CD44: variants seen among roughly 807,000 people sequenced by gnomAD.
CD44 encodes the protein CD44 antigen.
In CD44, 49 loss-of-function variants were observed where a neutral mutation model predicts 88.8. The observed-to-expected ratio is 0.55, with a 90% CI of 0.44 to 0.70. The LOEUF is 0.70. CD44 is among the 30% of genes least tolerant of loss of function. The probability of loss-of-function intolerance (pLI) is 0.00; values close to 1 mark genes in which losing one functional copy is unlikely to be tolerated. For synonymous variants in CD44, 325 were observed against 312.3 expected (o/e 1.04, Z -0.43); for missense variants, 883 against 913.8 (o/e 0.97, Z 0.43).
chr11:35,163,285 G>A (rs1942866103), intron 1 of CD44, among the ~76,000 whole-genome samples: 1 of 151,040 alleles, frequency 6.6e-6, no homozygotes, highest in Non-Finnish European at 1.5e-5. Context: ...GGAAACTCAT[G>A]GTTGTTCCTA....
At chr11:35,162,073 T>C (rs934783775) in intron 1 of CD44, among the ~76,000 whole-genome samples, 2 of 152,202 alleles carry the variant, frequency 1.3e-5, no homozygotes, top group African/African-American at 2.4e-5. Flanking sequence ...ATCCTCACTC[T>C]AGAGGTAAGC....
At chr11:35,144,672 C>A (rs1858746652) in intron 1 of CD44, among the ~76,000 whole-genome samples, 1 of 152,192 alleles carries the variant, frequency 6.6e-6, no homozygotes, top group Non-Finnish European at 1.5e-5. Flanking sequence ...GGCATGGATA[C>A]AGTCATTGTG....
chr11:35,145,107 A>G (rs1367463920), intron 1 of CD44, among the ~76,000 whole-genome samples: 2 of 152,222 alleles, frequency 1.3e-5, no homozygotes, highest in African/African-American at 4.8e-5. Flanking sequence ...GATGCCAAAG[A>G]ATGCTAAAGA....
chr11:35,179,184 C>T (rs371076013), intron 2 of CD44, among the ~76,000 whole-genome samples: 1 of 152,120 alleles, frequency 6.6e-6, no homozygotes, highest in East Asian at 1.9e-4. Context: ...TTCCATGGGT[C>T]GTGCAGGGTG....
rs768186166 is a variant in CD44, at chr11:35,211,411, T to A, written c.1772T>A (p.Val591Asp). The A allele has an allele frequency of 8.7e-6, 14 of 1,613,870 alleles. No homozygotes were observed. Among genetic ancestry groups the A allele is most frequent in the African/African-American group, 1.3e-5 (1 of 74,900 alleles). The change falls in exon 14 of 18, where the codon GTT (valine) becomes GAT (aspartate). Residue 591 changes from valine to aspartate, a missense_variant. Around this residue, in one of 2 missense-constraint regions of CD44, gnomAD observed 631 missense variants for 590.9 expected, o/e 1.07. Transcript: ENST00000428726. Reference protein sequence around the residue: ...TGSFGVTAVTVGDSNSNVNRS... With the variant: ...TGSFGVTAVTDGDSNSNVNRS... ...TCCTTTGGAGTTACTGCAGTTACTG[T>A]TGGAGATTCCAACTCTAATGTCAAT...
intron 3 of CD44, among the ~76,000 whole-genome samples, chr11:35,182,810 G>A (rs1945285327): frequency 1.3e-5 from 2 of 152,178 alleles, no homozygotes; most frequent in East Asian, 1.9e-4. Flanking sequence ...GTCTTGCTGA[G>A]TGAATGTATG....
chr11:35,143,938 A>G (rs1218849735), intron 1 of CD44, among the ~76,000 whole-genome samples: 2 of 152,234 alleles, frequency 1.3e-5, no homozygotes, highest in East Asian at 1.9e-4. Flanking sequence ...GCAGCATTAC[A>G]GGAGCTCTCA....
chr11:35,227,238 T>A (rs981975682), intron 17 of CD44, among the ~76,000 whole-genome samples: 4 of 152,198 alleles, frequency 2.6e-5, no homozygotes, highest in Non-Finnish European at 5.9e-5. Flanking sequence ...CAGGCTGGAA[T>A]GCAGTGGCAC....
At chr11:35,197,032 T>G (rs1946826579) in intron 6 of CD44, 158 bp downstream of exon 6, 1 of 665,024 alleles carries the variant, frequency 1.5e-6, no homozygotes, top group African/African-American at 1.8e-5. Flanking sequence ...TCTGTTTGTT[T>G]GCTTGTATGG....
At chr11:35,154,495 A>G (rs1026985538) in intron 1 of CD44, among the ~76,000 whole-genome samples, 1 of 152,192 alleles carries the variant, frequency 6.6e-6, no homozygotes, top group African/African-American at 2.4e-5. Context: ...ATGCCTTCAG[A>G]TGCAAGTACA....
At position 35,221,675 on chromosome 11, in the gene CD44, C is replaced by T; in HGVS notation, c.1967C>T (p.Ser656Phe). 6.2e-7 allele frequency: 1 copy of T among 1,614,088 alleles called. No homozygotes were observed. Among genetic ancestry groups the T allele is most frequent in the Non-Finnish European group, 8.5e-7 (1 of 1,179,914 alleles). Residue 656 changes from serine to phenylalanine, a missense_variant, in exon 17 of 18, where the codon TCC (serine) becomes TTC (phenylalanine). By Grantham distance (155) the Ser-to-Phe change is radical (BLOSUM62 -2). Transcript: ENST00000428726. ...QIPEWLIILA[S>F]LLALALILAV... Reference sequence around the variant, plus strand: ...CCAGAATGGCTGATCATCTTGGCATCCCTCTTGGCCTTGGCTTTGATTCTT... The same window carrying T: ...CCAGAATGGCTGATCATCTTGGCATTCCTCTTGGCCTTGGCTTTGATTCTT...
intron 1 of CD44, among the ~76,000 whole-genome samples, chr11:35,154,186 T>A (rs1342473533): frequency 6.6e-6 from 1 of 152,198 alleles, no homozygotes; most frequent in African/African-American, 2.4e-5. Flanking sequence ...TAGAGACAAA[T>A]CTTATCCATT....
chr11:35,207,012 C>G (rs1411030174), intron 11 of CD44, among the ~76,000 whole-genome samples: 1 of 152,204 alleles, frequency 6.6e-6, no homozygotes, highest in African/African-American at 2.4e-5. Flanking sequence ...TTCAACTACA[C>G]AATGGTATGA....
At chr11:35,172,905 G>C (rs1277525364) in intron 1 of CD44, among the ~76,000 whole-genome samples, 1 of 151,846 alleles carries the variant, frequency 6.6e-6, no homozygotes, top group Non-Finnish European at 1.5e-5. Context: ...ATTTTTCATG[G>C]AACTTTTGGA....
At chr11:35,157,873 G>A (rs1388881773) in intron 1 of CD44, among the ~76,000 whole-genome samples, 3 of 152,176 alleles carry the variant, frequency 2.0e-5, no homozygotes, top group Non-Finnish European at 4.4e-5. Context: ...GATACTCCAG[G>A]CTACTTCTTG....
intron 1 of CD44, among the ~76,000 whole-genome samples, chr11:35,169,950 C>T (rs555002313): frequency 2.0e-5 from 3 of 152,268 alleles, no homozygotes; most frequent in African/African-American, 7.2e-5. Context: ...CACTTTGTGC[C>T]TCAGTTTCCT....
intron 3 of CD44, among the ~76,000 whole-genome samples, chr11:35,182,057 G>A (rs1463486597): frequency 3.1e-5 from 4 of 130,340 alleles, no homozygotes; most frequent in African/African-American, 1.2e-4. Context: ...ATAAAATCAA[G>A]ATATCACAGA....
At chr11:35,202,250 T>C (rs1472829439) in intron 9 of CD44, among the ~76,000 whole-genome samples, 1 of 152,226 alleles carries the variant, frequency 6.6e-6, no homozygotes, top group Non-Finnish European at 1.5e-5. Flanking sequence ...AGACATCCCT[T>C]GTACTCTTTA....
rs532590699 is a variant in CD44 at position 35,169,109 on chromosome 11, T to C, written c.68-7466T>C. Among the ~76,000 whole-genome samples the C allele has an allele frequency of 8.5e-5, 13 of 152,282 alleles. No individual in the cohort carries two copies. The South Asian group carries it at 1.7e-3, about 19-fold the overall frequency. ...GGGAAAGGAACCTGATAGGTGATCT[T>C]TTTGCACCCTATAAGACTGCAGCCT... On this transcript the variant is annotated intron_variant, in intron 1 of 17. Coordinates refer to ENST00000428726, the MANE Select transcript of CD44 (RefSeq NM_000610.4).
Sources: gnomAD v4.1 joint callset for allele counts (sites outside exome capture counted in the v4.1 genomes callset) on GRCh38, gnomAD v4.1.1 for gene constraint, gnomAD v4.1.1 regional missense constraint, MANE v1.5 for transcripts, NCBI Gene and HGNC (gene_info 2026-07-23, HGNC 2026-07-21) for gene names.